BORCS8: variants seen among roughly 807,000 people sequenced by gnomAD.
BORCS8 encodes BLOC-1 related complex subunit 8, also known as BLOC-1-related complex subunit 8.
Under a neutral mutation model 18.7 loss-of-function variants are expected in BORCS8, and 13 were observed. That is an observed-to-expected ratio of 0.70 (90% CI 0.45 to 1.11). BORCS8 has a LOEUF of 1.11. BORCS8 is among the 50% of genes least tolerant of loss of function. The pLI is 0.00. For synonymous variants in BORCS8, 68 were observed against 64.8 expected, an observed-to-expected ratio of 1.05 and a Z score of -0.24; for missense variants, 165 against 165.7, an observed-to-expected ratio of 1.00 and a Z score of 0.02.
At position 19,180,733 on chromosome 19, in the gene BORCS8, C is replaced by G; in HGVS notation, c.355G>C (p.Ala119Pro). 6.4e-7 allele frequency: 1 copy of G among 1,550,446 alleles called. No homozygotes were observed. The highest frequency in any genetic ancestry group is 8.7e-7 in the Non-Finnish European group (1 of 1,146,714). ...SPEEPPPPSS[A>P] The stretch of plus-strand genomic sequence containing the variant: ...GCCCCGAGTCTCTTCCAGGATCAGG[C>G]TGAGGAGGGCGGGGGTGGTTCCTCC... Residue 119 changes from alanine (A) to proline (P), a missense_variant, in exon 5 of 6, where the codon GCC (alanine) becomes CCC (proline). Transcript: ENST00000462790.
intron 3 of BORCS8, among the ~76,000 whole-genome samples, chr19:19,185,592 G>A (rs11669408): frequency 0.49 from 74,896 of 152,034 alleles, 18,668 homozygotes; most frequent in East Asian, 0.57. Flanking sequence ...AGGCTGAAGC[G>A]GGAGAACTGC....
At chr19:19,181,798 G>C (rs544060221) in intron 4 of BORCS8, 782 of 929,764 alleles carry the variant, frequency 8.4e-4, no homozygotes, top group Non-Finnish European at 9.6e-4. Flanking sequence ...TTGCCCAGTG[G>C]GGGACAGGCC....
At chr19:19,183,069 A>T (rs550697603) in intron 3 of BORCS8, among the ~76,000 whole-genome samples, 1 of 152,310 alleles carries the variant, frequency 6.6e-6, no homozygotes, top group South Asian at 2.1e-4. Context: ...TGAGCCCAGG[A>T]GGTTGAGACC....
intron 1 of BORCS8, among the ~76,000 whole-genome samples, chr19:19,191,814 T>TC (rs2060483951): frequency 6.6e-6 from 1 of 151,984 alleles, no homozygotes; most frequent in Admixed American, 6.6e-5. Context: ...CAAGCGATCC[T>TC]CCCGCCTAGG....
chr19:19,181,993 C>A (rs973684952), intron 4 of BORCS8: 6 of 985,364 alleles, frequency 6.1e-6, no homozygotes, highest in Middle Eastern at 5.2e-4. Flanking sequence ...CGTTTTCAGA[C>A]CCCTGGTCCT....
At chr19:19,188,888 G>T (rs1457676905) in intron 1 of BORCS8, among the ~76,000 whole-genome samples, 1 of 151,958 alleles carries the variant, frequency 6.6e-6, no homozygotes, top group Non-Finnish European at 1.5e-5. Context: ...AGGCTGGAGT[G>T]CAGTAGTGTA....
chr19:19,185,790 G>T (rs1886169000), intron 3 of BORCS8, among the ~76,000 whole-genome samples: 1 of 152,248 alleles, frequency 6.6e-6, no homozygotes, highest in African/African-American at 2.4e-5. Flanking sequence ...AGAAATGCTG[G>T]TCCCCAGAGG....
intron 4 of BORCS8, 26 bp from the exon 5 acceptor site, chr19:19,180,787 A>G (rs1454460842): frequency 9.8e-6 from 15 of 1,538,156 alleles, no homozygotes; most frequent in Non-Finnish European, 1.2e-5. Context: ...TGCAGCATCC[A>G]TGAGGCCAAG....
intron 5 of BORCS8, chr19:19,179,778 C>T (rs2060332191): frequency 6.5e-6 from 1 of 152,942 alleles, no homozygotes; most frequent in African/African-American, 2.4e-5. Context: ...GTGCGGTCCT[C>T]TCCCATCTGG....
At chr19:19,186,181 C>G in intron 2 of BORCS8, 83 bp from the exon 3 acceptor site, 1 of 1,261,962 alleles carries the variant, frequency 7.9e-7, no homozygotes, top group Admixed American at 2.0e-5. Flanking sequence ...GGTTGGGGCT[C>G]TCCTGAGTCC....
chr19:19,180,738 G>A lies in BORCS8; in HGVS notation c.350C>T (p.Ser117Phe), dbSNP rs2060340113. ...GAGTCTCTTCCAGGATCAGGCTGAG[G>A]AGGGCGGGGGTGGTTCCTCCGGGCT... The part of the protein sequence containing the change: ...GHSPEEPPPP[S>F]SA The change falls in exon 5 of 6, where the codon TCC becomes TTC. Residue 117 changes from serine (S) to phenylalanine (F), a missense_variant. Ser to Phe is a radical substitution (Grantham distance 155). Coordinates refer to ENST00000462790, the MANE Select transcript of BORCS8 (RefSeq NM_001145784.2). 2.6e-6 allele frequency: 4 copies of A among 1,550,252 alleles called. No homozygotes were observed. Among genetic ancestry groups the A allele is most frequent in the South Asian group, 2.4e-5 (2 of 83,914 alleles).
chr19:19,191,658 C>T (rs1280496706), intron 1 of BORCS8, among the ~76,000 whole-genome samples: 1 of 152,102 alleles, frequency 6.6e-6, no homozygotes, highest in Non-Finnish European at 1.5e-5. Context: ...CACTGCAGTG[C>T]AGCCTTGACC....
At chr19:19,179,108 C>A in intron 5 of BORCS8, 1 of 153,364 alleles carries the variant, frequency 6.5e-6, no homozygotes. Context: ...GGACAGCAGA[C>A]GCTGGGAAGT....
intron 5 of BORCS8, chr19:19,177,724 AAAAGAAAAGAAAAGAAAAGAAAAGAAAAG>A (rs1568562192): frequency 2.9e-5 from 5 of 173,868 alleles, no homozygotes; most frequent in East Asian, 2.0e-4. Flanking sequence ...AAAAGAAAAG[AAAAGAAAAGAAAAGAAAAGAAAAGAAAAG>A]AAAGGAAGAA....
chr19:19,185,846 G>A (rs1433867981), intron 3 of BORCS8, among the ~76,000 whole-genome samples, 188 bp downstream of exon 3: 1 of 152,244 alleles, frequency 6.6e-6, no homozygotes, highest in Admixed American at 6.5e-5. Context: ...AGCTGGGGAG[G>A]GGCTCAGCAC....
chr19:19,184,924 A>G (rs2060391430), intron 3 of BORCS8, among the ~76,000 whole-genome samples: 1 of 151,832 alleles, frequency 6.6e-6, no homozygotes, highest in Non-Finnish European at 1.5e-5. Flanking sequence ...TTTAGAGGAG[A>G]GGTCTGGCTA....
chr19:19,181,194 T>A (rs2146413038), intron 4 of BORCS8, among the ~76,000 whole-genome samples: 1 of 145,164 alleles, frequency 6.9e-6, no homozygotes, highest in African/African-American at 2.6e-5. Context: ...GGCTCTGTCT[T>A]GAAAAAAAAA....
In BORCS8 at chr19:19,183,898, AT is replaced by A. The variant is rs899216180; in HGVS notation, c.216-1216del. The stretch of plus-strand genomic sequence containing the variant: ...TTTTGTAATTTTTTTTTAATTTTTA[AT>A]TTTTTTTTTTGAGACAAAGTCTCAC... On this transcript the variant is annotated intron_variant, in intron 3 of 5. Coordinates refer to ENST00000462790, the MANE Select transcript of BORCS8 (RefSeq NM_001145784.2). Among the ~76,000 whole-genome samples, 84 of 133,960 alleles carry A rather than the reference AT, an allele frequency of 6.3e-4. 2 individuals are homozygous for A. The Middle Eastern group carries it at 0.022, about 35-fold the overall frequency. The allele number at this position is 133,960 out of a possible 152,430, so 87.9% of individuals were successfully genotyped here. A position where few individuals can be genotyped will look rare whatever the true frequency, so the allele number is the denominator to read the frequency against.
At chr19:19,184,289 T>A (rs77805918) in intron 3 of BORCS8, among the ~76,000 whole-genome samples, 1 of 135,704 alleles carries the variant, frequency 7.4e-6, no homozygotes, top group East Asian at 2.1e-4. Flanking sequence ...TTTTTGTTGG[T>A]TTTTTTTTTT....
Sources: gnomAD v4.1 joint callset for allele counts (sites outside exome capture counted in the v4.1 genomes callset) on GRCh38, gnomAD v4.1.1 for gene constraint, MANE v1.5 for transcripts, NCBI Gene and HGNC (gene_info 2026-07-23, HGNC 2026-07-21) for gene names.